The following TPT1 variants were observed in gnomAD, a reference collection of about 807,000 sequenced individuals.
TPT1 encodes translationally-controlled tumor protein.
A neutral mutation model predicts 22.8 loss-of-function variants in TPT1; 5 were observed. The ratio of observed to expected loss-of-function variants is 0.22; its 90% CI spans 0.11 to 0.46. The LOEUF is 0.46. TPT1 is among the 20% of genes least tolerant of loss of function. TPT1 has a pLI of 0.99. For missense variants in TPT1, 130 were observed against 218.7 expected (o/e 0.59, Z 2.56); for synonymous variants, 89 against 73.6 (o/e 1.21, Z -1.07).
Position 45,341,168 on chromosome 13 carries a change from G to A in TPT1, c.-99C>T, listed in dbSNP as rs1434827348. 1.2e-5 allele frequency: 19 copies of A among 1,534,920 alleles called. No individual in the cohort carries two copies. The highest frequency in any genetic ancestry group is 1.5e-5 in the Non-Finnish European group (17 of 1,128,360). ...CCGGAGCGGCGCTCGGGGGGAGGGG[G>A]GAGCGGGCGGAAAAGGCCGACTCAG... On this transcript the variant is annotated 5_prime_UTR_variant, in exon 1 of 6. Coordinates refer to ENST00000530705, the MANE Select transcript of TPT1 (RefSeq NM_003295.4).
In TPT1 at chr13:45,341,108, G is replaced by C. The variant is rs1210046464; in HGVS notation, c.-39C>G. The C allele has an allele frequency of 2.5e-6, 4 of 1,610,416 alleles. No homozygotes were observed. The highest frequency in any genetic ancestry group is 3.4e-6 in the Non-Finnish European group (4 of 1,178,318). On this transcript the variant is annotated 5_prime_UTR_variant, in exon 1 of 6. Coordinates refer to ENST00000530705, the MANE Select transcript of TPT1 (RefSeq NM_003295.4). ...GGGAGACGACGACGGCGCTAGCTTAGCACGAGCCTGAAACTCGGAGCGAGC... is the reference window on the plus strand; with the variant it reads ...GGGAGACGACGACGGCGCTAGCTTACCACGAGCCTGAAACTCGGAGCGAGC...
intron 4 of TPT1, chr13:45,339,114 G>C (rs1297527844): frequency 3.2e-6 from 1 of 309,960 alleles, no homozygotes; most frequent in Non-Finnish European, 5.9e-6. Flanking sequence ...ATATCATACA[G>C]TCTGGAAGTA....
chr13:45,337,535 G>C lies in TPT1; in HGVS notation c.517-147C>G, dbSNP rs577690999. 245 of 1,613,048 alleles carry C rather than the reference G, an allele frequency of 1.5e-4. No homozygotes were observed. In the East Asian group the frequency reaches 5.3e-3, roughly 35 times the overall value. On this transcript the variant is annotated intron_variant, in intron 5 of 5. Coordinates refer to ENST00000530705, the MANE Select transcript of TPT1 (RefSeq NM_003295.4). ...CACAAAGACAGACAGAAAGCGCAGG[G>C]ATTTCTTTCTTTTGCATCCTAGTGC...
intron 5 of TPT1, chr13:45,337,701 C>CT (rs1433591803): frequency 3.9e-6 from 3 of 765,452 alleles, no homozygotes; most frequent in Non-Finnish European, 6.7e-6. Context: ...ACCTCAGATA[C>CT]TGTCTGAATA....
chr13:45,335,574 G>A lies in TPT1; in HGVS notation c.*1812C>T, dbSNP rs1032917966. ...TTCCCTTCCTGCTATCATTTCAGAG[G>A]ACAAAAGGCCCTGTAGATGAGACTC... On this transcript the variant is annotated 3_prime_UTR_variant, in exon 6 of 6. Coordinates refer to ENST00000530705, the MANE Select transcript of TPT1 (RefSeq NM_003295.4). The A allele has an allele frequency of 2.0e-5, 3 of 152,114 alleles. No homozygotes were observed. The highest frequency in any genetic ancestry group is 4.4e-5 in the Non-Finnish European group (3 of 68,046). The allele number at this position is 152,114 out of a possible 1,614,324, so 9.4% of individuals were successfully genotyped here.
Position 45,334,687 on chromosome 13 carries a change from T to A in TPT1, c.*2699A>T, listed in dbSNP as rs1878563638. ...GCCTTAAAAACACATTATACACAAT[T>A]ATTCTATGCTTTTACCCTGCCACCT... On this transcript the variant is annotated 3_prime_UTR_variant, in exon 6 of 6. Coordinates refer to ENST00000530705, the MANE Select transcript of TPT1 (RefSeq NM_003295.4). The A allele has an allele frequency of 6.6e-6, 1 of 152,186 alleles. No homozygotes were observed. The highest frequency in any genetic ancestry group is 2.1e-4 in the South Asian group (1 of 4,828). 9.4% of individuals were successfully genotyped at this position (152,186 alleles called of 1,614,324 possible).
At position 45,341,177 on chromosome 13, in the gene TPT1, G is replaced by T. The variant is rs1051737860; in HGVS notation, c.-108C>A. The T allele has an allele frequency of 4.8e-6, 7 of 1,466,060 alleles. No homozygotes were observed. The highest frequency in any genetic ancestry group is 6.5e-6 in the Non-Finnish European group (7 of 1,069,310). The allele number at this position is 1,466,060 out of a possible 1,614,324, so 90.8% of individuals were successfully genotyped here. On this transcript the variant is annotated 5_prime_UTR_variant, in exon 1 of 6. Transcript: ENST00000530705. ...CGCTCGGGGGGAGGGGGGAGCGGGC[G>T]GAAAAGGCCGACTCAGCCGCTCCCC...
At chr13:45,339,410 G>A (rs1878929579) in intron 4 of TPT1, 87 bp downstream of exon 4, 1 of 1,193,440 alleles carries the variant, frequency 8.4e-7, no homozygotes, top group African/African-American at 1.5e-5. Flanking sequence ...TGGAATACTA[G>A]TATAGAATTG....
Position 45,337,570 on chromosome 13 carries a change from G to T in TPT1, c.517-182C>A, listed in dbSNP as rs779180548. 5 of 1,608,628 alleles carry T rather than the reference G, an allele frequency of 3.1e-6. No individual in the cohort carries two copies. In the Admixed American group the frequency reaches 6.7e-5, roughly 21 times the overall value. On this transcript the variant is annotated intron_variant, in intron 5 of 5. Coordinates refer to ENST00000530705, the MANE Select transcript of TPT1 (RefSeq NM_003295.4). ...TTTTGCATCCTAGTGCAAACCAAAAGAACAACAGTAAATTGTTCAAGGTCT... is the reference window on the plus strand; with the variant it reads ...TTTTGCATCCTAGTGCAAACCAAAATAACAACAGTAAATTGTTCAAGGTCT...
In TPT1 at chr13:45,339,626, G is replaced by A. The variant is rs200488327; in HGVS notation, c.294-24C>T. On this transcript the variant is annotated intron_variant, in intron 3 of 5. Coordinates refer to ENST00000530705, the MANE Select transcript of TPT1 (RefSeq NM_003295.4). ...TTCTAAAACAACATTTCATTAACAG[G>A]TTGAAGTATTGAATTTTCAGTAAAA... 5.6e-5 allele frequency: 88 copies of A among 1,558,972 alleles called. No homozygotes were observed. The East Asian group carries it at 1.6e-3, about 29-fold the overall frequency.
At position 45,335,020 on chromosome 13, in the gene TPT1, C is replaced by T. The variant is rs768742824; in HGVS notation, c.*2366G>A. The T allele has an allele frequency of 7.2e-5, 11 of 152,356 alleles. No individual in the cohort carries two copies. The highest frequency in any genetic ancestry group is 3.9e-4 in the Admixed American group (6 of 15,304). The allele number at this position is 152,356 out of a possible 1,614,324, so 9.4% of individuals were successfully genotyped here. On this transcript the variant is annotated 3_prime_UTR_variant, in exon 6 of 6. Coordinates refer to ENST00000530705, the MANE Select transcript of TPT1 (RefSeq NM_003295.4). ...CCTAGAAAAGTCCTCTTGCTCCACT[C>T]AGTTGTTCTCCACACTTTAACAAAC...
In TPT1 at chr13:45,335,544, GA is replaced by G. The variant is rs1343272347; in HGVS notation, c.*1841del. On this transcript the variant is annotated 3_prime_UTR_variant, in exon 6 of 6. Coordinates refer to ENST00000530705, the MANE Select transcript of TPT1 (RefSeq NM_003295.4). The stretch of plus-strand genomic sequence containing the variant: ...GTTTCCCCAGCTTTGACCACTGCCT[GA>G]AAATTCCCTTCCTGCTATCATTTCA... 5.9e-5 allele frequency: 9 copies of G among 152,314 alleles called. No homozygotes were observed. Among genetic ancestry groups the G allele is most frequent in the East Asian group, 5.8e-4 (3 of 5,186 alleles). 9.4% of individuals were successfully genotyped at this position (152,314 alleles called of 1,614,324 possible).
Position 45,337,106 on chromosome 13 carries a change from T to C in TPT1, c.*280A>G, listed in dbSNP as rs1253297434. 3 of 488,044 alleles carry C rather than the reference T, an allele frequency of 6.1e-6. No homozygotes were observed. Among genetic ancestry groups the C allele is most frequent in the South Asian group, 2.3e-5 (1 of 43,048 alleles). 30.2% of individuals were successfully genotyped at this position (488,044 alleles called of 1,614,324 possible). ...TGAGTAGTAGCCTACAATCAGGCTC[T>C]AGCTTCTCCAGGAACACTACAGGAT... On this transcript the variant is annotated 3_prime_UTR_variant, in exon 6 of 6. Coordinates refer to ENST00000530705, the MANE Select transcript of TPT1 (RefSeq NM_003295.4).
chr13:45,333,536 CCA>C lies in TPT1; in HGVS notation c.*3848_*3849del, dbSNP rs1185613971. On this transcript the variant is annotated 3_prime_UTR_variant, in exon 6 of 6. Transcript: ENST00000530705. ...TCTTGCAATTTTACCATAATTATCA[CCA>C]GTTTAGTTTGCAGTTAAGTTACTGA... 2.0e-5 allele frequency: 3 copies of C among 152,206 alleles called. No individual in the cohort carries two copies. Among genetic ancestry groups the C allele is most frequent in the Non-Finnish European group, 4.4e-5 (3 of 68,040 alleles). The allele number at this position is 152,206 out of a possible 1,614,324, so 9.4% of individuals were successfully genotyped here.
Position 45,337,235 on chromosome 13 carries a change from A to G in TPT1, c.*151T>C. ...ACATGACATGTTTTTCTTAAAAACA[A>G]TGCCTCCACTCCAAATAAATCACAG... On this transcript the variant is annotated 3_prime_UTR_variant, in exon 6 of 6. Coordinates refer to ENST00000530705, the MANE Select transcript of TPT1 (RefSeq NM_003295.4). 1.3e-6 allele frequency: 1 copy of G among 746,160 alleles called. No individual in the cohort carries two copies. The highest frequency in any genetic ancestry group is 1.7e-5 in the South Asian group (1 of 57,248). 46.2% of individuals were successfully genotyped at this position (746,160 alleles called of 1,614,324 possible).
In TPT1 at chr13:45,337,142, TA is replaced by T; in HGVS notation, c.*243del. The T allele has an allele frequency of 1.8e-6, 1 of 569,766 alleles. No individual in the cohort carries two copies. The highest frequency in any genetic ancestry group is 3.1e-6 in the Non-Finnish European group (1 of 320,734). 35.3% of individuals were successfully genotyped at this position (569,766 alleles called of 1,614,324 possible). Reference sequence around the variant, plus strand: ...GGAACACTACAGGATCAATTTAGTTTAAATATGCATTAAACTAAAAGGCATT... The same window carrying T: ...GGAACACTACAGGATCAATTTAGTTTAATATGCATTAAACTAAAAGGCATT... On this transcript the variant is annotated 3_prime_UTR_variant, in exon 6 of 6. Transcript: ENST00000530705.
chr13:45,340,388 G>C (rs535605332), intron 2 of TPT1: 2 of 855,006 alleles, frequency 2.3e-6, no homozygotes, highest in East Asian at 5.3e-5. Flanking sequence ...CAAAAAATGG[G>C]GTCATTAAAA....
intron 5 of TPT1, 77 bp from the exon 6 acceptor site, chr13:45,337,465 A>G (rs757560906): frequency 3.1e-6 from 5 of 1,614,084 alleles, no homozygotes; most frequent in East Asian, 4.5e-5. Context: ...CATGCAGCCT[A>G]CATTTCCAGG....
intron 2 of TPT1, 177 bp from the exon 3 acceptor site, chr13:45,340,361 T>G (rs1452519939): frequency 2.1e-6 from 2 of 961,122 alleles, no homozygotes; most frequent in East Asian, 2.6e-5. Context: ...CTTAAAAGAG[T>G]TGTCTGTTGG....
Sources: allele counts gnomAD v4.1 joint callset, GRCh38; gene constraint gnomAD v4.1.1; transcripts MANE v1.5; gene names NCBI Gene and HGNC (gene_info 2026-07-23, HGNC 2026-07-21).